C4orf36: variants seen among roughly 807,000 people sequenced by gnomAD.
C4orf36 encodes uncharacterized protein C4orf36.
In C4orf36, 11 loss-of-function variants were observed where a neutral mutation model predicts 12.2. The ratio of observed to expected loss-of-function variants is 0.90; its 90% CI spans 0.57 to 1.49. The LOEUF is 1.49. C4orf36 is among the 40% of genes most tolerant of loss of function. C4orf36 has a pLI of 0.00. For synonymous variants in C4orf36, 54 were observed against 51.3 expected, an observed-to-expected ratio of 1.05 and a Z score of -0.22; for missense variants, 137 against 133.9, an observed-to-expected ratio of 1.02 and a Z score of -0.11.
At chr4:86,884,925 AGCCAGT>A (rs1405213699) in intron 4 of C4orf36, among the ~76,000 whole-genome samples, 5 of 152,194 alleles carry the variant, frequency 3.3e-5, no homozygotes, top group African/African-American at 1.2e-4. Flanking sequence ...ACATATGGCT[AGCCAGT>A]TTTCCCAGCA....
the C4orf36 span, among the ~76,000 whole-genome samples, chr4:86,903,652 C>T: frequency 2.0e-5 from 3 of 152,182 alleles, no homozygotes; most frequent in Non-Finnish European, 2.9e-5. Context: ...CCCATACCAT[C>T]GAAGACAACC....
chr4:86,894,192 C>G (rs1747540970), upstream of C4orf36, among the ~76,000 whole-genome samples: 1 of 152,144 alleles, frequency 6.6e-6, no homozygotes, highest in South Asian at 2.1e-4. Context: ...CCACCGCGCC[C>G]GGTCTTTGGC....
the C4orf36 span, among the ~76,000 whole-genome samples, chr4:86,907,057 T>TAA: frequency 1.3e-5 from 2 of 151,306 alleles, no homozygotes; most frequent in Non-Finnish European, 2.9e-5. Flanking sequence ...AATAAATAAA[T>TAA]ATTAAAATAA....
the C4orf36 span, among the ~76,000 whole-genome samples, chr4:86,933,852 C>A: frequency 6.6e-6 from 1 of 152,186 alleles, no homozygotes; most frequent in Non-Finnish European, 1.5e-5. Context: ...ATTATTTTAG[C>A]TGTCTAGGTA....
upstream of C4orf36, among the ~76,000 whole-genome samples, chr4:86,895,795 A>G (rs1230695967): frequency 6.6e-6 from 1 of 151,904 alleles, no homozygotes; most frequent in Admixed American, 6.6e-5. Flanking sequence ...CTCTATTGCT[A>G]TCTCTATTCA....
chr4:86,935,207 C>G, the C4orf36 span: 1 of 152,346 alleles, frequency 6.6e-6, no homozygotes, highest in Non-Finnish European at 1.5e-5. Flanking sequence ...CGAGGGCGCC[C>G]GACCCGGGAC....
At chr4:86,892,075 G>A (rs1747441325) in intron 1 of C4orf36, 108 bp downstream of exon 1, 5 of 985,832 alleles carry the variant, frequency 5.1e-6, no homozygotes, top group Non-Finnish European at 6.0e-6. Flanking sequence ...TTCCCCGGAC[G>A]GACGCGCAGG....
At chr4:86,906,073 G>C in the C4orf36 span, among the ~76,000 whole-genome samples, 5 of 152,102 alleles carry the variant, frequency 3.3e-5, no homozygotes, top group Admixed American at 2.0e-4. Context: ...TCAGCAAACC[G>C]GGGCTAGGTG....
At chr4:86,933,768 C>T in the C4orf36 span, among the ~76,000 whole-genome samples, 18 of 152,206 alleles carry the variant, frequency 1.2e-4, no homozygotes, top group Admixed American at 9.2e-4. Context: ...TGACTCCTGT[C>T]CCATCCTGCT....
At chr4:86,894,008 T>G (rs1318729414), upstream of C4orf36, among the ~76,000 whole-genome samples, 1 of 140,762 alleles carries the variant, frequency 7.1e-6, no homozygotes, top group African/African-American at 2.5e-5. Context: ...GCCATTCTCC[T>G]GCCTCAGCCT....
At chr4:86,932,777 G>A in the C4orf36 span, among the ~76,000 whole-genome samples, 2 of 108,092 alleles carry the variant, frequency 1.9e-5, no homozygotes, top group Middle Eastern at 6.5e-3. Context: ...GGGGGGTGGG[G>A]GGGTTCTGTT....
upstream of C4orf36, among the ~76,000 whole-genome samples, chr4:86,896,127 A>T (rs920589648): frequency 6.6e-6 from 1 of 152,212 alleles, no homozygotes; most frequent in Non-Finnish European, 1.5e-5. Flanking sequence ...ATATTAGAGA[A>T]GAAAAAATGG....
chr4:86,916,360 G>A, the C4orf36 span, among the ~76,000 whole-genome samples: 1 of 135,408 alleles, frequency 7.4e-6, no homozygotes, highest in African/African-American at 2.7e-5. Flanking sequence ...CATACTATGT[G>A]GATGCAAAAA....
intron 2 of C4orf36, chr4:86,889,937 G>A: frequency 5.1e-6 from 2 of 391,632 alleles, no homozygotes; most frequent in Non-Finnish European, 1.0e-5. Context: ...GCTCATGCCT[G>A]TAATTCCAGC....
chr4:86,919,366 A>C, the C4orf36 span, among the ~76,000 whole-genome samples: 2 of 113,994 alleles, frequency 1.8e-5, no homozygotes, highest in African/African-American at 7.1e-5. Context: ...TCTGTCACCC[A>C]GGCTGGAGTG....
chr4:86,880,012 G>C (rs926541266), intron 4 of C4orf36, among the ~76,000 whole-genome samples: 4 of 151,852 alleles, frequency 2.6e-5, no homozygotes, highest in Non-Finnish European at 4.4e-5. Flanking sequence ...TACCATGCCT[G>C]GATAATTTTC....
chr4:86,930,751 A>G, the C4orf36 span, among the ~76,000 whole-genome samples: 11 of 152,362 alleles, frequency 7.2e-5, no homozygotes, highest in Admixed American at 6.5e-4. Flanking sequence ...CAATGAGGAA[A>G]AATTTACATA....
At chr4:86,876,748 C>G in intron 4 of C4orf36, 1 of 1,482,198 alleles carries the variant, frequency 6.7e-7, no homozygotes, top group Non-Finnish European at 9.0e-7. Context: ...CTGTTGCATC[C>G]AAGTAAAATT....
chr4:86,935,520 C>T, the C4orf36 span: 4 of 152,438 alleles, frequency 2.6e-5, no homozygotes, highest in Non-Finnish European at 5.9e-5. Context: ...TCCTCCCTCA[C>T]GCGCAGCCCC....
Sources: allele counts gnomAD v4.1 joint callset (sites outside exome capture counted in the v4.1 genomes callset), GRCh38; gene constraint gnomAD v4.1.1; transcripts MANE v1.5; gene names NCBI Gene and HGNC (gene_info 2026-07-23, HGNC 2026-07-21).